The following AK5 variants were observed in gnomAD, a reference collection of about 807,000 sequenced individuals.
AK5 encodes the protein adenylate kinase isoenzyme 5.
Under a neutral mutation model 69.5 loss-of-function variants are expected in AK5, and 27 were observed. That is an observed-to-expected ratio of 0.39 (90% CI 0.29 to 0.54). AK5 has a LOEUF of 0.54. Ranked by LOEUF, AK5 falls within the 20% of genes least tolerant of loss-of-function variation. AK5 has a pLI of 0.71. For synonymous variants in AK5, 260 were observed against 244.4 expected (o/e 1.06, Z -0.60); for missense variants, 531 against 700.4 (o/e 0.76, Z 2.73).
intron 6 of AK5, among the ~76,000 whole-genome samples, chr1:77,395,954 C>T (rs1465040174): frequency 6.6e-6 from 1 of 152,224 alleles, no homozygotes; most frequent in Non-Finnish European, 1.5e-5. Context: ...ACCATTCTTA[C>T]TCAACAGGAT....
chr1:77,451,015 A>C (rs1359747491), intron 8 of AK5, among the ~76,000 whole-genome samples: 3 of 152,084 alleles, frequency 2.0e-5, no homozygotes, highest in Non-Finnish European at 4.4e-5. Context: ...ATCTCTAAAA[A>C]ACTTTTTTTA....
intron 13 of AK5, among the ~76,000 whole-genome samples, chr1:77,539,723 C>T (rs1444769399): frequency 6.6e-6 from 1 of 152,134 alleles, no homozygotes; most frequent in Admixed American, 6.5e-5. Flanking sequence ...TGGGTTTTTG[C>T]CCAGTCCTCC....
intron 10 of AK5, among the ~76,000 whole-genome samples, chr1:77,498,366 G>A (rs889020706): frequency 3.9e-5 from 6 of 152,174 alleles, no homozygotes; most frequent in Admixed American, 3.9e-4. Context: ...GACTCTGAAA[G>A]AGTCTGAAAG....
At chr1:77,440,044 T>C (rs1570130406) in intron 8 of AK5, among the ~76,000 whole-genome samples, 1 of 152,156 alleles carries the variant, frequency 6.6e-6, no homozygotes, top group East Asian at 1.9e-4. Context: ...TTCTTTTCTT[T>C]CTCTTTGGTG....
chr1:77,385,454 C>T (rs938104519), intron 6 of AK5, among the ~76,000 whole-genome samples: 11 of 152,158 alleles, frequency 7.2e-5, no homozygotes, highest in African/African-American at 1.9e-4. Flanking sequence ...CCACTGCGCC[C>T]GGCCAGACTT....
intron 12 of AK5, among the ~76,000 whole-genome samples, chr1:77,529,201 T>C (rs1208552832): frequency 2.0e-5 from 3 of 152,210 alleles, no homozygotes; most frequent in Non-Finnish European, 4.4e-5. Flanking sequence ...GTTAAAATCA[T>C]ACAGAACATA....
intron 8 of AK5, among the ~76,000 whole-genome samples, chr1:77,435,066 C>G (rs1233005579): frequency 6.6e-6 from 1 of 152,118 alleles, no homozygotes; most frequent in Non-Finnish European, 1.5e-5. Flanking sequence ...CAGGTCATAA[C>G]AGCAGAGCTT....
At chr1:77,297,516 T>A in intron 3 of AK5, 43 bp from the exon 4 acceptor site, 1 of 1,534,538 alleles carries the variant, frequency 6.5e-7, no homozygotes, top group Non-Finnish European at 8.8e-7. Flanking sequence ...GGGAGGTCCT[T>A]ATTGTATCAG....
At chr1:77,483,492 G>T in intron 9 of AK5, 133 bp downstream of exon 9, 2 of 742,752 alleles carry the variant, frequency 2.7e-6, no homozygotes, top group East Asian at 2.6e-5. Flanking sequence ...GCATGATTAA[G>T]AGTAGAACTC....
At chr1:77,285,339 C>T (rs937237439) in intron 1 of AK5, among the ~76,000 whole-genome samples, 14 of 151,878 alleles carry the variant, frequency 9.2e-5, no homozygotes, top group East Asian at 3.9e-4. Flanking sequence ...ATTGGATGCC[C>T]GGGTAATTTT....
At chr1:77,440,462 G>C (rs757470499) in intron 8 of AK5, among the ~76,000 whole-genome samples, 10 of 152,052 alleles carry the variant, frequency 6.6e-5, no homozygotes, top group Admixed American at 1.3e-4. Flanking sequence ...AGGACTTTTT[G>C]GGTTGAATCT....
At chr1:77,545,863 A>C (rs994936475) in intron 13 of AK5, among the ~76,000 whole-genome samples, 1 of 152,206 alleles carries the variant, frequency 6.6e-6, no homozygotes, top group Non-Finnish European at 1.5e-5. Flanking sequence ...GGTGCAGTGA[A>C]GAGAAAGGTG....
At chr1:77,466,023 C>G (rs546874240) in intron 8 of AK5, among the ~76,000 whole-genome samples, 1 of 152,144 alleles carries the variant, frequency 6.6e-6, no homozygotes, top group Non-Finnish European at 1.5e-5. Flanking sequence ...TTCCAGCCCT[C>G]TAATGTCTTA....
At position 77,328,627 on chromosome 1, in the gene AK5, A is replaced by G. The variant is rs188703274; in HGVS notation, c.700-11750A>G. ...CATAAAAATGAAGCCACAGAAATGT[A>G]TGTTTCATAAACTAATTTTAATGAT... On this transcript the variant is annotated intron_variant, in intron 5 of 13. Transcript: ENST00000354567. Among the ~76,000 whole-genome samples the G allele has an allele frequency of 4.2e-3, 638 of 152,346 alleles. 1 individual carries two copies. The highest frequency in any genetic ancestry group is 0.014 in the Middle Eastern group (4 of 294).
At chr1:77,493,076 A>G (rs1656090385) in intron 10 of AK5, among the ~76,000 whole-genome samples, 1 of 152,194 alleles carries the variant, frequency 6.6e-6, no homozygotes, top group African/African-American at 2.4e-5. Context: ...TTAGGTGTCA[A>G]CTTGACTGGG....
At chr1:77,549,170 C>G (rs1659688606) in intron 13 of AK5, among the ~76,000 whole-genome samples, 1 of 152,114 alleles carries the variant, frequency 6.6e-6, no homozygotes, top group Admixed American at 6.5e-5. Context: ...GCCACCGTGC[C>G]TGGCCTGCTT....
chr1:77,295,797 A>T (rs1658970497), intron 3 of AK5, among the ~76,000 whole-genome samples: 1 of 152,204 alleles, frequency 6.6e-6, no homozygotes, highest in African/African-American at 2.4e-5. Context: ...AAAAGAGCAC[A>T]AATATTTTTT....
chr1:77,508,821 C>G (rs1461273738), intron 10 of AK5, among the ~76,000 whole-genome samples: 1 of 149,288 alleles, frequency 6.7e-6, no homozygotes, highest in Non-Finnish European at 1.5e-5. Context: ...GAACCAAGAT[C>G]ATGCCATTGC....
At chr1:77,361,506 A>G (rs1646863947) in intron 6 of AK5, among the ~76,000 whole-genome samples, 1 of 152,230 alleles carries the variant, frequency 6.6e-6, no homozygotes, top group Non-Finnish European at 1.5e-5. Context: ...AAGTGAAATA[A>G]TATGTATAAA....
Sources: gnomAD v4.1 joint callset for allele counts (sites outside exome capture counted in the v4.1 genomes callset) on GRCh38, gnomAD v4.1.1 for gene constraint, MANE v1.5 for transcripts, NCBI Gene and HGNC (gene_info 2026-07-23, HGNC 2026-07-21) for gene names.